EEPD1: variants seen among roughly 807,000 people sequenced by gnomAD.
EEPD1 encodes endonuclease/exonuclease/phosphatase family domain containing 1.
EEPD1 carries 17 observed loss-of-function variants against 46.3 expected under a neutral mutation model. That is an observed-to-expected ratio of 0.37 (90% CI 0.25 to 0.55). The LOEUF is 0.55. Ranked by LOEUF, EEPD1 falls within the 20% of genes least tolerant of loss-of-function variation. EEPD1 has a pLI of 0.83. For synonymous variants in EEPD1, 313 were observed against 315.6 expected (o/e 0.99, Z 0.09); for missense variants, 673 against 745.6 (o/e 0.90, Z 1.13).
Position 36,154,632 on chromosome 7 carries a change from A to C in EEPD1, c.308A>C (p.Lys103Thr), listed in dbSNP as rs1230450374. ...AAGTTTGAGATCTGTGTGAGCAGCA[A>C]GGGCAGCTCAGCGCAGCACTCTCCC... ...QVKFEICVSS[K>T]GSSAQHSPSS... Residue 103 changes from lysine (K) to threonine (T), a missense_variant, in exon 2 of 8, where the codon AAG (lysine) becomes ACG (threonine). Transcript: ENST00000242108. This position sits in a 1 kb window ranked among gnomAD's most constrained non-coding sequence, Gnocchi z 4.2. 2 of 1,613,932 alleles carry C rather than the reference A, an allele frequency of 1.2e-6. No homozygotes were observed. The highest frequency in any genetic ancestry group is 1.3e-5 in the African/African-American group (1 of 75,026).
chr7:36,290,617 A>T (rs1236922480), intron 6 of EEPD1, among the ~76,000 whole-genome samples: 1 of 152,002 alleles, frequency 6.6e-6, no homozygotes, highest in East Asian at 1.9e-4. Flanking sequence ...GTCAGTGGGG[A>T]TATGCCAGTC....
At chr7:36,249,754 C>T (rs1786704386) in intron 3 of EEPD1, among the ~76,000 whole-genome samples, 1 of 152,194 alleles carries the variant, frequency 6.6e-6, no homozygotes, top group African/African-American at 2.4e-5. Flanking sequence ...AACATGCCTA[C>T]AGCTGTGGAC....
chr7:36,173,651 A>G (rs886995833), intron 2 of EEPD1, among the ~76,000 whole-genome samples: 44 of 152,190 alleles, frequency 2.9e-4, no homozygotes, highest in Non-Finnish European at 6.2e-4. Context: ...TCTTTTGTTT[A>G]TAAATTACCC....
chr7:36,165,302 T>A (rs566720202), intron 2 of EEPD1, among the ~76,000 whole-genome samples: 1 of 151,586 alleles, frequency 6.6e-6, no homozygotes, highest in South Asian at 2.1e-4. Flanking sequence ...TTCAGTACAA[T>A]AACATACCAT....
intron 3 of EEPD1, among the ~76,000 whole-genome samples, chr7:36,273,017 G>C (rs929861741): frequency 5.3e-5 from 8 of 152,178 alleles, no homozygotes; most frequent in Admixed American, 5.2e-4. Context: ...TGTGAAATCT[G>C]GGTCATCAGG....
intron 3 of EEPD1, among the ~76,000 whole-genome samples, chr7:36,244,891 G>T (rs6943929): frequency 6.6e-6 from 1 of 150,456 alleles, no homozygotes; most frequent in South Asian, 2.1e-4. Context: ...TCCTGCCTCA[G>T]CCTCCTGAGT....
In EEPD1 at chr7:36,157,791, A is replaced by G. The variant is rs190255837; in HGVS notation, c.878+2589A>G. 2.6e-5 allele frequency among the ~76,000 whole-genome samples: 4 copies of G among 152,270 alleles called. No individual in the cohort carries two copies. The South Asian group carries it at 8.3e-4, about 32-fold the overall frequency. ...AGAGTAGGGTGAGTGCTTTGTCTGT[A>G]TGACTGTCCTAGGGTATCAAAAGCT... On this transcript the variant is annotated intron_variant, in intron 2 of 7. Transcript: ENST00000242108.
At chr7:36,239,130 T>G in intron 3 of EEPD1, 94 bp downstream of exon 3, 1 of 1,221,848 alleles carries the variant, frequency 8.2e-7, no homozygotes. Flanking sequence ...AGACAGCCCC[T>G]ACTGAAAAGA....
At chr7:36,222,199 T>C (rs74666420) in intron 2 of EEPD1, among the ~76,000 whole-genome samples, 2,539 of 152,328 alleles carry the variant, frequency 0.017, 73 homozygotes, top group African/African-American at 0.058. Flanking sequence ...TGATAGTCAA[T>C]TAACAAGTAT....
At chr7:36,223,270 G>A (rs1786178727) in intron 2 of EEPD1, among the ~76,000 whole-genome samples, 3 of 152,078 alleles carry the variant, frequency 2.0e-5, no homozygotes, top group African/African-American at 7.2e-5. Context: ...TGCATGCTGG[G>A]TGGAGCTGGT....
At chr7:36,219,796 A>AGTGT (rs1186303893) in intron 2 of EEPD1, among the ~76,000 whole-genome samples, 44 of 80,124 alleles carry the variant, frequency 5.5e-4, no homozygotes, top group Non-Finnish European at 8.3e-4. Flanking sequence ...AGAGAGAGAG[A>AGTGT]GAGAGAGAGA....
intron 3 of EEPD1, among the ~76,000 whole-genome samples, chr7:36,269,107 G>T (rs574911886): frequency 3.9e-5 from 6 of 152,220 alleles, no homozygotes; most frequent in African/African-American, 1.4e-4. Context: ...AGACATTCCC[G>T]CCAAGTTCTG....
At chr7:36,235,255 T>C (rs1786413093) in intron 2 of EEPD1, among the ~76,000 whole-genome samples, 1 of 151,964 alleles carries the variant, frequency 6.6e-6, no homozygotes, top group Non-Finnish European at 1.5e-5. Context: ...GACCACCTGC[T>C]CATTGTGTCC....
At position 36,207,292 on chromosome 7, in the gene EEPD1, A is replaced by G. The variant is rs143414938; in HGVS notation, c.879-31693A>G. Reference sequence around the variant, plus strand: ...CACATGAGAAACCTTTAATCTGCCCATGATATCAGGGGATGTTCTTCAAAG... The same window carrying G: ...CACATGAGAAACCTTTAATCTGCCCGTGATATCAGGGGATGTTCTTCAAAG... On this transcript the variant is annotated intron_variant, in intron 2 of 7. Coordinates refer to ENST00000242108, the MANE Select transcript of EEPD1 (RefSeq NM_030636.3). 2.0e-5 allele frequency among the ~76,000 whole-genome samples: 3 copies of G among 152,044 alleles called. No homozygotes were observed. In the East Asian group the frequency reaches 5.8e-4, roughly 29 times the overall value.
intron 6 of EEPD1, among the ~76,000 whole-genome samples, chr7:36,289,629 G>T (rs1787395486): frequency 6.6e-6 from 1 of 152,168 alleles, no homozygotes; most frequent in East Asian, 1.9e-4. Context: ...CGAGTAGCTG[G>T]GACTATAGGC....
intron 3 of EEPD1, among the ~76,000 whole-genome samples, chr7:36,263,498 C>A (rs1439346326): frequency 2.0e-5 from 3 of 152,186 alleles, no homozygotes; most frequent in African/African-American, 7.2e-5. Flanking sequence ...TAAGAGGCTA[C>A]ATGGAAGCAC....
chr7:36,244,839 C>T (rs1786611037), intron 3 of EEPD1, among the ~76,000 whole-genome samples: 1 of 133,650 alleles, frequency 7.5e-6, no homozygotes, highest in Admixed American at 8.5e-5. Context: ...ATGGTGTGAT[C>T]TCGGCTCACT....
At chr7:36,158,598 C>T (rs1175558224) in intron 2 of EEPD1, among the ~76,000 whole-genome samples, 1 of 152,116 alleles carries the variant, frequency 6.6e-6, no homozygotes, top group African/African-American at 2.4e-5. Context: ...ATACAGTCAC[C>T]AGGAGCCTTC....
intron 3 of EEPD1, 53 bp downstream of exon 3, chr7:36,239,089 A>G (rs1786508535): frequency 1.9e-6 from 3 of 1,575,414 alleles, no homozygotes; most frequent in Admixed American, 1.8e-5. Context: ...GGAGGGCCAC[A>G]CATAAGAAAA....
Sources: allele counts gnomAD v4.1 joint callset (sites outside exome capture counted in the v4.1 genomes callset), GRCh38; gene constraint gnomAD v4.1.1; non-coding constraint Gnocchi (gnomAD v3.1); transcripts MANE v1.5; gene names NCBI Gene and HGNC (gene_info 2026-07-23, HGNC 2026-07-21).